Variants in BIRC2 observed in about 807,000 individuals in gnomAD.
BIRC2 encodes the protein baculoviral IAP repeat containing 2.
Under a neutral mutation model 60.9 loss-of-function variants are expected in BIRC2, and 18 were observed. The ratio of observed to expected loss-of-function variants is 0.30; its 90% CI spans 0.20 to 0.44. The LOEUF (loss-of-function observed/expected upper bound fraction) is 0.44. Among genes scored for constraint, BIRC2 ranks in the 20% least tolerant of loss-of-function variants. The pLI is 1.00. For synonymous variants in BIRC2, 282 were observed against 247.7 expected (o/e 1.14, Z -1.30); for missense variants, 701 against 728.5 (o/e 0.96, Z 0.43).
intron 6 of BIRC2, among the ~76,000 whole-genome samples, chr11:102,369,433 C>G (rs1464912868): frequency 6.6e-6 from 1 of 150,928 alleles, no homozygotes. Context: ...TTCGTTCTTG[C>G]GATAGTTTAC....
rs35100435 is a variant in BIRC2 at position 102,348,117 on chromosome 11, A to C, written c.-1257-481A>C. Reference sequence around the variant, plus strand: ...AGGGAATGGCAGAGTTTAAGAGTTTATATTAATGAACTCGTGGTGCATTTT... The same window carrying C: ...AGGGAATGGCAGAGTTTAAGAGTTTCTATTAATGAACTCGTGGTGCATTTT... On this transcript the variant is annotated intron_variant, in intron 1 of 8. Transcript: ENST00000227758. Among the ~76,000 whole-genome samples the C allele has an allele frequency of 2.8e-3, 421 of 152,316 alleles. 3 individuals carry two copies. Among genetic ancestry groups the C allele is most frequent in the African/African-American group, 9.7e-3 (404 of 41,558 alleles).
chr11:102,367,609 CTT>C (rs979976997), intron 5 of BIRC2, among the ~76,000 whole-genome samples: 5 of 152,146 alleles, frequency 3.3e-5, no homozygotes, highest in African/African-American at 1.2e-4. Context: ...AGCATTGACT[CTT>C]AGCAGAAAAT....
chr11:102,366,982 A>G (rs1200796656), intron 5 of BIRC2, among the ~76,000 whole-genome samples: 1 of 152,124 alleles, frequency 6.6e-6, no homozygotes, highest in East Asian at 1.9e-4. Flanking sequence ...AGGTTTTTAC[A>G]CTTGCTGTTC....
At chr11:102,357,408 G>A (rs1424721552) in intron 3 of BIRC2, among the ~76,000 whole-genome samples, 1 of 151,478 alleles carries the variant, frequency 6.6e-6, no homozygotes, top group Non-Finnish European at 1.5e-5. Context: ...TGTGCTATGA[G>A]GTCATCTGTT....
chr11:102,370,758 G>T (rs1186161895), intron 6 of BIRC2, among the ~76,000 whole-genome samples: 2 of 89,972 alleles, frequency 2.2e-5, no homozygotes, highest in African/African-American at 1.2e-4. Flanking sequence ...ACCTTGGGCA[G>T]TATGGCCATT....
Position 102,349,522 on chromosome 11 carries a change from C to A in BIRC2, c.-333C>A, listed in dbSNP as rs1180954108. ...TGCTTAGAATTTTGTTAATATAAAT[C>A]TCTGTGAAAAATCAAGGAGTTTTAA... On this transcript the variant is annotated 5_prime_UTR_variant, in exon 2 of 9. Transcript: ENST00000227758. 2 of 179,998 alleles carry A rather than the reference C, an allele frequency of 1.1e-5. No homozygotes were observed. The highest frequency in any genetic ancestry group is 1.2e-5 in the Non-Finnish European group (1 of 86,436). The allele number at this position is 179,998 out of a possible 1,614,324, so 11.2% of individuals were successfully genotyped here.
chr11:102,373,573 C>T (rs1468300129), intron 6 of BIRC2, among the ~76,000 whole-genome samples: 15 of 151,918 alleles, frequency 9.9e-5, no homozygotes, highest in South Asian at 4.2e-4. Context: ...GAGGGTAACC[C>T]GACCTTTCTC....
intron 4 of BIRC2, among the ~76,000 whole-genome samples, chr11:102,363,185 G>C (rs34596785): frequency 5.1e-4 from 78 of 152,022 alleles, no homozygotes; most frequent in African/African-American, 1.8e-3. Context: ...TGACATCTTT[G>C]GTTTTTACTT....
chr11:102,362,141 A>G (rs1207501706), intron 3 of BIRC2, among the ~76,000 whole-genome samples: 1 of 152,212 alleles, frequency 6.6e-6, no homozygotes. Flanking sequence ...CAATGTAAAG[A>G]CAAATAAAGA....
rs371707721 is a variant in BIRC2, at chr11:102,364,139, TTATA to T, written c.1123+456_1123+459del. ...ATACTGGGAAGTCAGCTAATAAATA[TTATA>T]TATATATATATATATATATATATAT... On this transcript the variant is annotated intron_variant, in intron 5 of 8. Transcript: ENST00000227758. Among the ~76,000 whole-genome samples the T allele has an allele frequency of 5.3e-3, 323 of 61,388 alleles. 8 individuals are homozygous for T. The highest frequency in any genetic ancestry group is 0.018 in the African/African-American group (226 of 12,878). 40.3% of individuals were successfully genotyped at this position (61,388 alleles called of 152,430 possible). A position where few individuals can be genotyped will look rare whatever the true frequency, so the allele number is the denominator to read the frequency against.
rs778373110 is a variant in BIRC2, at chr11:102,363,628, A to G, written c.1075-40A>G. The G allele has an allele frequency of 1.0e-5, 15 of 1,490,446 alleles. No individual in the cohort carries two copies. The Admixed American group carries it at 2.4e-4, about 24-fold the overall frequency. 92.3% of individuals were successfully genotyped at this position (1,490,446 alleles called of 1,614,324 possible). On this transcript the variant is annotated intron_variant, in intron 4 of 8. Transcript: ENST00000227758. ...TGTTGTTCTTTTCAGATTGTTGGGG[A>G]TATCTGCTTTTACCTATTAACTTTT...
At chr11:102,376,807 C>G (rs573516247) in intron 6 of BIRC2, among the ~76,000 whole-genome samples, 2 of 152,156 alleles carry the variant, frequency 1.3e-5, no homozygotes, top group South Asian at 4.2e-4. Flanking sequence ...TTATTCAATC[C>G]TTACAACTTT....
At chr11:102,368,156 T>C in intron 5 of BIRC2, 150 bp from the exon 6 acceptor site, 1 of 925,750 alleles carries the variant, frequency 1.1e-6, no homozygotes, top group African/African-American at 1.7e-5. Context: ...AAGTTCAAAC[T>C]TTTATTGGAG....
chr11:102,360,610 TGTTA>T (rs1296170231), intron 3 of BIRC2, among the ~76,000 whole-genome samples: 11 of 152,078 alleles, frequency 7.2e-5, no homozygotes, highest in South Asian at 2.1e-4. Flanking sequence ...ATTCTTTATC[TGTTA>T]GTTCATAGAT....
At chr11:102,377,399 T>G in intron 6 of BIRC2, 97 bp from the exon 7 acceptor site, 1 of 1,073,000 alleles carries the variant, frequency 9.3e-7, no homozygotes, top group Non-Finnish European at 1.3e-6. Context: ...CTTTATTTAG[T>G]GCCTAAATTG....
chr11:102,373,606 T>C (rs1186205806), intron 6 of BIRC2, among the ~76,000 whole-genome samples: 1 of 151,668 alleles, frequency 6.6e-6, no homozygotes, highest in East Asian at 1.9e-4. Context: ...TAACATTTTT[T>C]CCTTCATTTC....
At chr11:102,374,769 G>A (rs957084741) in intron 6 of BIRC2, among the ~76,000 whole-genome samples, 1 of 152,182 alleles carries the variant, frequency 6.6e-6, no homozygotes, top group African/African-American at 2.4e-5. Context: ...CCCCAGCCTC[G>A]CTGCTGCCTT....
At chr11:102,360,963 A>G (rs577979682) in intron 3 of BIRC2, among the ~76,000 whole-genome samples, 3 of 152,170 alleles carry the variant, frequency 2.0e-5, no homozygotes, top group Non-Finnish European at 2.9e-5. Flanking sequence ...CCAAGGCTGC[A>G]GGTATCCATA....
intron 5 of BIRC2, among the ~76,000 whole-genome samples, chr11:102,364,420 G>A (rs976962972): frequency 1.9e-4 from 29 of 151,928 alleles, no homozygotes; most frequent in African/African-American, 6.8e-4. Context: ...GGCATGATTT[G>A]GAAAACGTCA....
Sources: allele counts gnomAD v4.1 joint callset (sites outside exome capture counted in the v4.1 genomes callset), GRCh38; gene constraint gnomAD v4.1.1; transcripts MANE v1.5; gene names NCBI Gene and HGNC (gene_info 2026-07-23, HGNC 2026-07-21).